The following MARVELD3 variants were observed in gnomAD, a reference collection of about 807,000 sequenced individuals.
The protein encoded by MARVELD3 is MARVEL domain-containing protein 3.
MARVELD3 carries 28 observed loss-of-function variants against 33.5 expected under a neutral mutation model. The observed-to-expected ratio is 0.84, with a 90% CI of 0.62 to 1.15. The LOEUF (loss-of-function observed/expected upper bound fraction) is 1.15. MARVELD3 is among the 50% of genes most tolerant of loss of function. The probability of loss-of-function intolerance (pLI) is 0.00; values close to 1 mark genes in which losing one functional copy is unlikely to be tolerated. For missense variants in MARVELD3, 582 were observed against 547.6 expected (o/e 1.06, Z -0.63); for synonymous variants, 241 against 230.4 (o/e 1.05, Z -0.42).
Position 71,626,818 on chromosome 16 carries a change from T to C in MARVELD3, c.467+122T>C. 1.2e-6 allele frequency: 1 copy of C among 856,944 alleles called. No homozygotes were observed. Among genetic ancestry groups the C allele is most frequent in the Non-Finnish European group, 1.6e-6 (1 of 608,462 alleles). 53.1% of individuals were successfully genotyped at this position (856,944 alleles called of 1,614,324 possible). A position where few individuals can be genotyped will look rare whatever the true frequency, so the allele number is the denominator to read the frequency against. On this transcript the variant is annotated intron_variant, in intron 1 of 2. Transcript: ENST00000268485. The surrounding 1 kb of genome is among the most constrained non-coding windows in gnomAD (Gnocchi z 5.3). ...AGCCCGTTTAAATGAACAAATGCCG[T>C]TTCTCCCTTCTGCGCTCTCAGAGGC... is the stretch of plus-strand genomic sequence containing the variant.
downstream of MARVELD3, chr16:71,640,448 C>T (rs755232441): frequency 6.2e-7 from 1 of 1,614,092 alleles, no homozygotes; most frequent in Admixed American, 1.7e-5. Flanking sequence ...GCATCGTGGC[C>T]TCCTACTTTG....
Position 71,626,541 on chromosome 16 carries a change from C to T in MARVELD3, c.312C>T (p.His104=), listed in dbSNP as rs761375489. Residue 104 remains histidine, a synonymous_variant, in exon 1 of 3, where the codon CAC becomes CAT. Coordinates refer to ENST00000268485, the MANE Select transcript of MARVELD3 (RefSeq NM_052858.6). The surrounding 1 kb of genome is among the most constrained non-coding windows in gnomAD (Gnocchi z 5.3). ...ACGCGGGCCCTCGCGCAGGTGAACA[C>T]GGAGTTTGGGAAAAACCGCGCCAAA... The part of the protein sequence containing the change: ...HRDAGPRAGE[H]GVWEKPRQSR... 1.7e-5 allele frequency: 27 copies of T among 1,549,420 alleles called. No individual in the cohort carries two copies. The East Asian group carries it at 6.4e-4, about 36-fold the overall frequency.
intron 2 of MARVELD3, among the ~76,000 whole-genome samples, chr16:71,630,752 A>AATGT (rs911136786): frequency 5.9e-5 from 9 of 152,280 alleles, no homozygotes; most frequent in Admixed American, 5.2e-4. Flanking sequence ...CAGAAACAAA[A>AATGT]ATGTTGTGAA....
Position 71,626,778 on chromosome 16 carries a change from G to A in MARVELD3, c.467+82G>A, listed in dbSNP as rs1211359245. ...GGCCCGCGAGGCCCTGGCGTCCCCG[G>A]GTTCTCGTCCTAGGAGCCCGTTTAA... On this transcript the variant is annotated intron_variant, in intron 1 of 2. Transcript: ENST00000268485. The surrounding 1 kb of genome is among the most constrained non-coding windows in gnomAD (Gnocchi z 5.3). 3 of 1,207,932 alleles carry A rather than the reference G, an allele frequency of 2.5e-6. No individual in the cohort carries two copies. The highest frequency in any genetic ancestry group is 3.2e-5 in the African/African-American group (2 of 61,698). The allele number at this position is 1,207,932 out of a possible 1,614,324, so 74.8% of individuals were successfully genotyped here.
Position 71,635,134 on chromosome 16 carries a change from C to T in MARVELD3, c.*331C>T. 1 of 876,440 alleles carries T rather than the reference C, an allele frequency of 1.1e-6. No individual in the cohort carries two copies. The highest frequency in any genetic ancestry group is 1.4e-6 in the Non-Finnish European group (1 of 721,024). The allele number at this position is 876,440 out of a possible 1,614,324, so 54.3% of individuals were successfully genotyped here. ...CTTGAGGTCAGGAGCTCGAGACCAG[C>T]TTGGCCAACATGGTGAGCCCCCGTC... On this transcript the variant is annotated 3_prime_UTR_variant, in exon 3 of 3. Transcript: ENST00000268485.
downstream of MARVELD3, chr16:71,638,711 A>G (rs889893034): frequency 6.6e-6 from 1 of 152,218 alleles, no homozygotes; most frequent in Admixed American, 6.5e-5. Context: ...CAATGATAAT[A>G]TACTGCATAA....
In MARVELD3 at chr16:71,634,315, T is replaced by C. The variant is rs774912816; in HGVS notation, c.718T>C (p.Phe240Leu). ...TSLGGIYYYQ[F>L]GGAYSGFDGA... is the part of the protein sequence containing the mutation. Reference sequence around the variant, plus strand: ...CTTGGGGGGCATTTACTACTATCAGTTCGGAGGGGCTTACAGTGGCTTTGA... The same window carrying C: ...CTTGGGGGGCATTTACTACTATCAGCTCGGAGGGGCTTACAGTGGCTTTGA... The change falls in exon 3 of 3, where the codon TTC (phenylalanine) becomes CTC (leucine). Residue 240 changes from phenylalanine to leucine, a missense_variant. Phe to Leu is a conservative substitution (Grantham distance 22). Transcript: ENST00000268485. 5 of 1,614,118 alleles carry C rather than the reference T, an allele frequency of 3.1e-6. No homozygotes were observed. In the South Asian group the frequency reaches 5.5e-5, roughly 18 times the overall value.
At chr16:71,637,072 G>C (rs895703989), downstream of MARVELD3, among the ~76,000 whole-genome samples, 1 of 152,052 alleles carries the variant, frequency 6.6e-6, no homozygotes, top group African/African-American at 2.4e-5. Flanking sequence ...CTAAAAGCAT[G>C]CTTGGAAATA....
chr16:71,630,229 C>T (rs979955851), intron 2 of MARVELD3, among the ~76,000 whole-genome samples: 18 of 148,994 alleles, frequency 1.2e-4, no homozygotes, highest in Non-Finnish European at 2.2e-4. Flanking sequence ...TTGCTTGAAC[C>T]TGGGAGGAGG....
rs1465831775 is a variant in MARVELD3 at position 71,635,573 on chromosome 16, C to G, written c.*770C>G. On this transcript the variant is annotated 3_prime_UTR_variant, in exon 3 of 3. Transcript: ENST00000268485. ...AGTGCGCTATGATTGTCCCACTACA[C>G]TCTAGCCTGAGCAACAGACCAAGAC... 1.0e-6 allele frequency: 1 copy of G among 982,386 alleles called. No individual in the cohort carries two copies. Among genetic ancestry groups the G allele is most frequent in the African/African-American group, 1.8e-5 (1 of 57,100 alleles). 60.9% of individuals were successfully genotyped at this position (982,386 alleles called of 1,614,324 possible).
At position 71,631,982 on chromosome 16, in the gene MARVELD3, T is replaced by C. The variant is rs567536337; in HGVS notation, c.596-2211T>C. Among the ~76,000 whole-genome samples, 66 of 152,274 alleles carry C rather than the reference T, an allele frequency of 4.3e-4. 1 individual carries two copies. The highest frequency in any genetic ancestry group is 1.5e-3 in the African/African-American group (64 of 41,562). ...CAGGCAGGATGTTGACAGGCCGACG[T>C]TGGCAGCATGTACAATTTCCAGCTC... On this transcript the variant is annotated intron_variant, in intron 2 of 2. Coordinates refer to ENST00000268485, the MANE Select transcript of MARVELD3 (RefSeq NM_052858.6).
chr16:71,626,292 G>T lies in MARVELD3; in HGVS notation c.63G>T (p.Arg21=). The T allele has an allele frequency of 5.8e-6, 9 of 1,542,186 alleles. No homozygotes were observed. Among genetic ancestry groups the T allele is most frequent in the Non-Finnish European group, 7.9e-6 (9 of 1,143,164 alleles). ...RARPRERDPG[R]RPHPDQGRTH... ...GGCCGAGAGAGCGGGACCCGGGACG[G>T]CGCCCCCACCCAGACCAAGGCCGCA... Residue 21 remains arginine (R), a synonymous_variant, in exon 1 of 3, where the codon CGG becomes CGT. Transcript: ENST00000268485. This position sits in a 1 kb window ranked among gnomAD's most constrained non-coding sequence, Gnocchi z 5.3.
rs1307743554 is a variant in MARVELD3 at position 71,629,509 on chromosome 16, A to G, written c.595+15A>G. On this transcript the variant is annotated intron_variant, in intron 2 of 2. Coordinates refer to ENST00000268485, the MANE Select transcript of MARVELD3 (RefSeq NM_052858.6). ...CACTGGGAGAGGTGAGCCGTTTTGCAGGCTGTTTGATCATTTACTGTCACT... is the reference window on the plus strand; with the variant it reads ...CACTGGGAGAGGTGAGCCGTTTTGCGGGCTGTTTGATCATTTACTGTCACT... 1 of 1,556,014 alleles carries G rather than the reference A, an allele frequency of 6.4e-7. No homozygotes were observed.
At position 71,626,747 on chromosome 16, in the gene MARVELD3, C is replaced by A; in HGVS notation, c.467+51C>A. On this transcript the variant is annotated intron_variant, in intron 1 of 2. Coordinates refer to ENST00000268485, the MANE Select transcript of MARVELD3 (RefSeq NM_052858.6). The surrounding 1 kb of genome is among the most constrained non-coding windows in gnomAD (Gnocchi z 5.3). ...CTCCGCGCCGGGGACACCTGTGGCC[C>A]AGGCCGGCCCGCGAGGCCCTGGCGT... 2 of 1,366,350 alleles carry A rather than the reference C, an allele frequency of 1.5e-6. No homozygotes were observed. The highest frequency in any genetic ancestry group is 1.9e-6 in the Non-Finnish European group (2 of 1,060,074). 84.6% of individuals were successfully genotyped at this position (1,366,350 alleles called of 1,614,324 possible). A position where few individuals can be genotyped will look rare whatever the true frequency, so the allele number is the denominator to read the frequency against.
intron 1 of MARVELD3, among the ~76,000 whole-genome samples, chr16:71,628,491 C>G (rs2044496627): frequency 6.6e-6 from 1 of 151,196 alleles, no homozygotes; most frequent in Admixed American, 6.6e-5. Flanking sequence ...GAGCTGAGAT[C>G]TCGACACTGC....
downstream of MARVELD3, chr16:71,640,969 GAGAACAGCCC>G (rs766050352): frequency 1.2e-5 from 20 of 1,613,778 alleles, no homozygotes; most frequent in South Asian, 3.3e-5. Context: ...AAAGGCAGCC[GAGAACAGCCC>G]GGAAGTTACA....
intron 2 of MARVELD3, among the ~76,000 whole-genome samples, chr16:71,632,289 T>C (rs976389841): frequency 5.3e-5 from 8 of 152,156 alleles, no homozygotes; most frequent in Non-Finnish European, 1.2e-4. Context: ...GTACATAAAT[T>C]TGTCAAAACG....
chr16:71,634,052 C>T (rs995707003), intron 2 of MARVELD3, 141 bp from the exon 3 acceptor site: 7 of 1,332,986 alleles, frequency 5.3e-6, no homozygotes, highest in Non-Finnish European at 7.0e-6. Flanking sequence ...TAGTTTTAAT[C>T]GCGCTGCTTT....
chr16:71,631,607 C>T (rs2044534439), intron 2 of MARVELD3, among the ~76,000 whole-genome samples: 1 of 151,926 alleles, frequency 6.6e-6, no homozygotes, highest in South Asian at 2.1e-4. Context: ...GCCACCATGC[C>T]CAGCTAATTG....
Sources: allele counts gnomAD v4.1 joint callset (sites outside exome capture counted in the v4.1 genomes callset), GRCh38; gene constraint gnomAD v4.1.1; non-coding constraint Gnocchi (gnomAD v3.1); transcripts MANE v1.5; gene names NCBI Gene and HGNC (gene_info 2026-07-23, HGNC 2026-07-21).